COMMD10: variants seen among roughly 807,000 people sequenced by gnomAD.
COMMD10 encodes the protein COMM domain-containing protein 10.
Under a neutral mutation model 28.9 loss-of-function variants are expected in COMMD10, and 33 were observed. That is an observed-to-expected ratio of 1.14 (90% CI 0.87 to 1.53). The LOEUF (loss-of-function observed/expected upper bound fraction) is 1.53. COMMD10 is among the 40% of genes most tolerant of loss of function. The pLI, the probability that COMMD10 is intolerant of heterozygous loss-of-function variation, is 0.00. For missense variants in COMMD10, 310 were observed against 233.4 expected (o/e 1.33, Z -2.14); for synonymous variants, 110 against 81.7 (o/e 1.35, Z -1.87).
intron 5 of COMMD10, among the ~76,000 whole-genome samples, chr5:116,234,236 C>G (rs1221717249): frequency 6.6e-6 from 1 of 152,126 alleles, no homozygotes; most frequent in African/African-American, 2.4e-5. Flanking sequence ...AATGAAATTC[C>G]TCATAGAAAT....
At chr5:116,193,659 C>G (rs1390142623) in intron 5 of COMMD10, among the ~76,000 whole-genome samples, 1 of 151,928 alleles carries the variant, frequency 6.6e-6, no homozygotes. Context: ...CTGGAGCTCC[C>G]AAATATATAA....
chr5:116,225,163 C>T (rs1038266951), intron 5 of COMMD10, among the ~76,000 whole-genome samples: 2 of 151,646 alleles, frequency 1.3e-5, no homozygotes, highest in Non-Finnish European at 2.9e-5. Context: ...TTCTTTTTTT[C>T]TCTTGAGATT....
At chr5:116,200,331 C>A (rs1748633624) in intron 5 of COMMD10, among the ~76,000 whole-genome samples, 1 of 151,796 alleles carries the variant, frequency 6.6e-6, no homozygotes, top group South Asian at 2.1e-4. Context: ...GTTTTTTTCA[C>A]CACTTTGGCA....
At chr5:116,261,615 C>T (rs1177392344) in intron 5 of COMMD10, among the ~76,000 whole-genome samples, 1 of 151,738 alleles carries the variant, frequency 6.6e-6, no homozygotes, top group Non-Finnish European at 1.5e-5. Flanking sequence ...ACACTTGACT[C>T]CTGCCTCTTC....
At chr5:116,134,866 C>A (rs1224538542) in intron 5 of COMMD10, among the ~76,000 whole-genome samples, 1 of 152,090 alleles carries the variant, frequency 6.6e-6, no homozygotes, top group Non-Finnish European at 1.5e-5. Flanking sequence ...TGTGATCCAC[C>A]CCCCTCAGCC....
intron 5 of COMMD10, among the ~76,000 whole-genome samples, chr5:116,136,175 C>T (rs370004777): frequency 6.6e-6 from 1 of 152,266 alleles, no homozygotes; most frequent in African/African-American, 2.4e-5. Flanking sequence ...TGCATTCCCT[C>T]TCCCTTTTTT....
At position 116,277,075 on chromosome 5, in the gene COMMD10, A is replaced by G. The variant is rs148938886; in HGVS notation, c.511-14442A>G. Among the ~76,000 whole-genome samples, 2 of 151,870 alleles carry G rather than the reference A, an allele frequency of 1.3e-5. 1 individual carries two copies. The highest frequency in any genetic ancestry group is 3.9e-4 in the East Asian group (2 of 5,168). ...GCTGTTACCAAAAAATATAAGTTAA[A>G]TTCTCCAGTGTTGTTATTTTCACTA... On this transcript the variant is annotated intron_variant, in intron 5 of 6. Coordinates refer to ENST00000274458, the MANE Select transcript of COMMD10 (RefSeq NM_016144.4).
chr5:116,171,971 A>T (rs9326995), intron 5 of COMMD10, among the ~76,000 whole-genome samples: 47,170 of 152,076 alleles, frequency 0.31, 10,230 homozygotes, highest in African/African-American at 0.62. Flanking sequence ...AACTTAAATT[A>T]TAATAAAAAA....
chr5:116,202,019 T>C (rs1296658085), intron 5 of COMMD10, among the ~76,000 whole-genome samples: 5 of 150,406 alleles, frequency 3.3e-5, no homozygotes, highest in South Asian at 2.1e-4. Flanking sequence ...GTATATCTCC[T>C]AATGCTATCT....
At chr5:116,176,815 G>A (rs1251689645) in intron 5 of COMMD10, among the ~76,000 whole-genome samples, 2 of 152,014 alleles carry the variant, frequency 1.3e-5, no homozygotes, top group African/African-American at 2.4e-5. Flanking sequence ...TTTAAACAGG[G>A]GAAGTTTAAT....
chr5:116,239,254 T>G (rs534374651), intron 5 of COMMD10, among the ~76,000 whole-genome samples: 1 of 152,196 alleles, frequency 6.6e-6, no homozygotes. Context: ...TTTGTTGGCA[T>G]TAGTAACAAA....
Position 116,260,713 on chromosome 5 carries a change from T to C in COMMD10, c.511-30804T>C, listed in dbSNP as rs938141624. On this transcript the variant is annotated intron_variant, in intron 5 of 6. Transcript: ENST00000274458. Reference sequence around the variant, plus strand: ...TCTAAAATGGCCAGAGATTTGTTTATAACTTCATTTTAATTAATTACATTT... The same window carrying C: ...TCTAAAATGGCCAGAGATTTGTTTACAACTTCATTTTAATTAATTACATTT... Among the ~76,000 whole-genome samples, 4 of 151,884 alleles carry C rather than the reference T, an allele frequency of 2.6e-5. No homozygotes were observed. In the South Asian group the frequency reaches 8.3e-4, roughly 31 times the overall value.
chr5:116,140,775 A>G (rs564205705), intron 5 of COMMD10, among the ~76,000 whole-genome samples: 2 of 151,748 alleles, frequency 1.3e-5, no homozygotes, highest in African/African-American at 4.8e-5. Flanking sequence ...AATTAATCTT[A>G]GTACATTATT....
intron 5 of COMMD10, among the ~76,000 whole-genome samples, chr5:116,276,075 C>G (rs915196890): frequency 8.6e-5 from 13 of 150,794 alleles, no homozygotes; most frequent in African/African-American, 2.5e-4. Context: ...CTGTACAGCA[C>G]CAAAGCAAGC....
chr5:116,242,942 C>T (rs1749850186), intron 5 of COMMD10, among the ~76,000 whole-genome samples: 1 of 152,144 alleles, frequency 6.6e-6, no homozygotes, highest in African/African-American at 2.4e-5. Flanking sequence ...TTGAAGGACT[C>T]CATCTGGGGA....
At chr5:116,250,502 A>C (rs1382808528) in intron 5 of COMMD10, among the ~76,000 whole-genome samples, 2 of 151,730 alleles carry the variant, frequency 1.3e-5, no homozygotes, top group African/African-American at 4.8e-5. Context: ...TATTTGATTG[A>C]AGATGGAGGG....
intron 5 of COMMD10, among the ~76,000 whole-genome samples, chr5:116,164,132 C>G (rs1753014426): frequency 1.3e-5 from 2 of 152,088 alleles, no homozygotes; most frequent in Admixed American, 6.6e-5. Flanking sequence ...GCTCTGCAAA[C>G]ATGGTAAAAC....
At chr5:116,110,918 T>C (rs765657195) in intron 4 of COMMD10, among the ~76,000 whole-genome samples, 3 of 152,152 alleles carry the variant, frequency 2.0e-5, no homozygotes, top group African/African-American at 7.2e-5. Context: ...GCCTCCATCA[T>C]CCAATCACCT....
At chr5:116,149,381 T>C (rs1283748802) in intron 5 of COMMD10, among the ~76,000 whole-genome samples, 1 of 146,632 alleles carries the variant, frequency 6.8e-6, no homozygotes, top group Non-Finnish European at 1.5e-5. Flanking sequence ...AGTAGTGGGA[T>C]GGCTGGGTCA....
Sources: allele counts gnomAD v4.1 joint callset (sites outside exome capture counted in the v4.1 genomes callset), GRCh38; gene constraint gnomAD v4.1.1; transcripts MANE v1.5; gene names NCBI Gene and HGNC (gene_info 2026-07-23, HGNC 2026-07-21).